WASL: variants seen among roughly 807,000 people sequenced by gnomAD.
The protein encoded by WASL is actin nucleation-promoting factor WASL.
A neutral mutation model predicts 55.5 loss-of-function variants in WASL; 20 were observed. That is an observed-to-expected ratio of 0.36 (90% CI 0.25 to 0.52). WASL has a LOEUF of 0.52. WASL is among the 20% of genes least tolerant of loss of function. WASL has a pLI of 0.92. For synonymous variants in WASL, 249 were observed against 217.6 expected, an observed-to-expected ratio of 1.14 and a Z score of -1.27; for missense variants, 504 against 622.5, an observed-to-expected ratio of 0.81 and a Z score of 2.03.
At chr7:123,706,961 AATAT>A (rs1803682205) in intron 2 of WASL, 135 bp from the exon 3 acceptor site, 1 of 461,954 alleles carries the variant, frequency 2.2e-6, no homozygotes, top group African/African-American at 2.0e-5. Context: ...ACATATTTAT[AATAT>A]ATAAATAGTG....
At chr7:123,699,061 A>C (rs1803535356) in intron 5 of WASL, among the ~76,000 whole-genome samples, 1 of 152,228 alleles carries the variant, frequency 6.6e-6, no homozygotes, top group African/African-American at 2.4e-5. Flanking sequence ...ATAAAATGTA[A>C]GAATTAAGAC....
chr7:123,696,445 G>C (rs1215561348), intron 6 of WASL, 134 bp downstream of exon 6: 1 of 706,340 alleles, frequency 1.4e-6, no homozygotes, highest in African/African-American at 1.9e-5. Context: ...AAAGTACATA[G>C]TTAAAACGGT....
intron 1 of WASL, among the ~76,000 whole-genome samples, chr7:123,734,360 T>G (rs908002312): frequency 2.6e-5 from 4 of 152,038 alleles, no homozygotes; most frequent in Admixed American, 6.6e-5. Context: ...GATATACAAA[T>G]GGCAAATAGT....
chr7:123,717,883 T>C (rs912585644), intron 1 of WASL, among the ~76,000 whole-genome samples: 2 of 152,184 alleles, frequency 1.3e-5, no homozygotes, highest in Non-Finnish European at 2.9e-5. Context: ...CAGCCATAGA[T>C]TATATGGATA....
intron 1 of WASL, among the ~76,000 whole-genome samples, chr7:123,737,920 C>T (rs1188676301): frequency 6.6e-6 from 1 of 151,992 alleles, no homozygotes; most frequent in African/African-American, 2.4e-5. Flanking sequence ...TGACAAACCA[C>T]AAAAAATACT....
intron 5 of WASL, among the ~76,000 whole-genome samples, chr7:123,703,670 GA>G (rs1278549363): frequency 6.6e-6 from 1 of 152,058 alleles, no homozygotes; most frequent in East Asian, 1.9e-4. Flanking sequence ...ATCAGAAAAA[GA>G]AATTTAAGGA....
chr7:123,705,713 A>C (rs1803657907), intron 4 of WASL, among the ~76,000 whole-genome samples: 1 of 152,168 alleles, frequency 6.6e-6, no homozygotes, highest in Non-Finnish European at 1.5e-5. Flanking sequence ...TAATTGTTTT[A>C]TATGTGTTAG....
intron 5 of WASL, among the ~76,000 whole-genome samples, chr7:123,700,446 CT>C (rs34850578): frequency 0.74 from 108,519 of 146,130 alleles, 40,327 homozygotes; most frequent in South Asian, 0.83. Context: ...TACTTTACCT[CT>C]TTTTTTTTTT....
chr7:123,700,175 C>CAAAAAAAAAAAA (rs1168168286), intron 5 of WASL, among the ~76,000 whole-genome samples: 3 of 47,352 alleles, frequency 6.3e-5, no homozygotes, highest in African/African-American at 1.5e-4. Context: ...AACTCCGTCT[C>CAAAAAAAAAAAA]AAAAAAAAAA....
At chr7:123,716,821 A>G (rs946745893) in intron 1 of WASL, among the ~76,000 whole-genome samples, 4 of 152,174 alleles carry the variant, frequency 2.6e-5, no homozygotes, top group Admixed American at 6.5e-5. Context: ...CTAGAGCCAA[A>G]TAGCACTTAA....
chr7:123,734,383 T>C (rs555736394), intron 1 of WASL, among the ~76,000 whole-genome samples: 28 of 152,184 alleles, frequency 1.8e-4, no homozygotes, highest in African/African-American at 6.7e-4. Context: ...TATGAAAAGA[T>C]GGTCAACATC....
intron 1 of WASL, among the ~76,000 whole-genome samples, chr7:123,714,401 A>G (rs980008877): frequency 1.3e-5 from 2 of 152,188 alleles, no homozygotes; most frequent in Non-Finnish European, 2.9e-5. Context: ...GAATATGGCA[A>G]TGACAAAAGA....
At chr7:123,721,024 C>T (rs1242784284) in intron 1 of WASL, among the ~76,000 whole-genome samples, 1 of 152,100 alleles carries the variant, frequency 6.6e-6, no homozygotes, top group Admixed American at 6.5e-5. Context: ...ATAAACATTG[C>T]TGAATAACAT....
Position 123,706,365 on chromosome 7 carries a change from T to C in WASL, c.348A>G (p.Gln116=), listed in dbSNP as rs1352658940. 3 of 1,613,300 alleles carry C rather than the reference T, an allele frequency of 1.9e-6. No individual in the cohort carries two copies. The highest frequency in any genetic ancestry group is 2.7e-5 in the African/African-American group (2 of 75,002). ...YFHTFAGDTC[Q]VALNFANEEE... is the part of the protein sequence containing the mutation. Reference sequence around the variant, plus strand: ...CTTCATTGGCAAAATTAAGAGCAACTTGACAAGTCTGAAATATTTTCATCA... The same window carrying C: ...CTTCATTGGCAAAATTAAGAGCAACCTGACAAGTCTGAAATATTTTCATCA... Residue 116 remains glutamine (Q), a synonymous_variant, in exon 4 of 11, where the codon CAA becomes CAG. Coordinates refer to ENST00000223023, the MANE Select transcript of WASL (RefSeq NM_003941.4).
intron 1 of WASL, among the ~76,000 whole-genome samples, chr7:123,729,716 C>T (rs903909074): frequency 1.8e-4 from 28 of 152,150 alleles, no homozygotes; most frequent in African/African-American, 6.5e-4. Flanking sequence ...GATTTTCTAA[C>T]AGTGAATTTC....
intron 8 of WASL, 72 bp downstream of exon 8, chr7:123,694,643 T>C: frequency 2.3e-6 from 1 of 430,824 alleles, no homozygotes; most frequent in Non-Finnish European, 3.0e-6. Context: ...TGTATGAATG[T>C]TAACTGGTTT....
chr7:123,712,149 GGTTT>G (rs1046469357), intron 1 of WASL, among the ~76,000 whole-genome samples: 6 of 152,034 alleles, frequency 3.9e-5, no homozygotes, highest in South Asian at 2.1e-4. Flanking sequence ...GGAGTTTTTT[GGTTT>G]GTTTGGTTTT....
intron 1 of WASL, among the ~76,000 whole-genome samples, chr7:123,715,530 A>G (rs184435997): frequency 3.3e-5 from 5 of 152,366 alleles, no homozygotes; most frequent in South Asian, 4.1e-4. Context: ...GACATAACCT[A>G]TAAGAAATGG....
intron 8 of WASL, among the ~76,000 whole-genome samples, chr7:123,694,328 C>A (rs150930304): frequency 6.6e-6 from 1 of 152,150 alleles, no homozygotes; most frequent in African/African-American, 2.4e-5. Context: ...AGAAAGTTTA[C>A]ATTATTTATA....
Sources: allele counts gnomAD v4.1 joint callset (sites outside exome capture counted in the v4.1 genomes callset), GRCh38; gene constraint gnomAD v4.1.1; transcripts MANE v1.5; gene names NCBI Gene and HGNC (gene_info 2026-07-23, HGNC 2026-07-21).